Variants in NREP observed in about 807,000 individuals in gnomAD.
The protein encoded by NREP is neuronal regeneration-related protein.
A neutral mutation model predicts 8.6 loss-of-function variants in NREP; 5 were observed. That is an observed-to-expected ratio of 0.58 (90% CI 0.30 to 1.22). The LOEUF is 1.22. Ranked by LOEUF, NREP falls within the 50% of genes most tolerant of loss-of-function variation. NREP has a pLI of 0.07. For missense variants in NREP, 86 were observed against 82.5 expected (o/e 1.04, Z -0.17); for synonymous variants, 27 against 28.0 (o/e 0.96, Z 0.11).
At chr5:111,936,027 T>A (rs1436980437) in intron 2 of NREP, among the ~76,000 whole-genome samples, 2 of 152,116 alleles carry the variant, frequency 1.3e-5, no homozygotes, top group Non-Finnish European at 2.9e-5. Flanking sequence ...CGGTGCCCCA[T>A]GGCTTGTAGA....
intron 2 of NREP, among the ~76,000 whole-genome samples, chr5:111,856,934 A>C (rs1038946680): frequency 9.2e-5 from 14 of 152,068 alleles, no homozygotes; most frequent in African/African-American, 3.4e-4. Context: ...GATTGTTTTT[A>C]TAAGTTTGAT....
At chr5:111,813,130 G>A (rs1752306260) in intron 2 of NREP, among the ~76,000 whole-genome samples, 2 of 152,024 alleles carry the variant, frequency 1.3e-5, no homozygotes, top group African/African-American at 2.4e-5. Flanking sequence ...ACCTTATCAA[G>A]CCCATTTTAT....
intron 2 of NREP, among the ~76,000 whole-genome samples, chr5:111,932,641 C>A (rs1755573471): frequency 6.6e-6 from 1 of 151,990 alleles, no homozygotes; most frequent in Non-Finnish European, 1.5e-5. Context: ...TTTATTACTG[C>A]AGGAAAATGT....
chr5:111,855,614 A>G (rs913527671), intron 2 of NREP, among the ~76,000 whole-genome samples: 1 of 152,154 alleles, frequency 6.6e-6, no homozygotes, highest in Non-Finnish European at 1.5e-5. Context: ...TTGTACAACA[A>G]TCTTTGCTAA....
At chr5:111,917,616 T>C (rs536572301) in intron 2 of NREP, among the ~76,000 whole-genome samples, 33 of 152,334 alleles carry the variant, frequency 2.2e-4, no homozygotes, top group Admixed American at 5.2e-4. Context: ...ACCACCTGAT[T>C]ATCTCCATAG....
rs575502676 is a variant in NREP at position 111,743,220 on chromosome 5, T to C, written c.4-7713A>G. ...TTATGCAGTTGTGAGTGAACAATAA[T>C]AAAGCAAAGGCCACAATACAAGATA... On this transcript the variant is annotated intron_variant, in intron 2 of 3. Transcript: ENST00000257435. Among the ~76,000 whole-genome samples the C allele has an allele frequency of 9.5e-5, 14 of 148,050 alleles. No homozygotes were observed. The South Asian group carries it at 2.5e-3, about 27-fold the overall frequency.
At chr5:111,752,076 T>A (rs2112842612) in intron 2 of NREP, among the ~76,000 whole-genome samples, 1 of 152,350 alleles carries the variant, frequency 6.6e-6, no homozygotes, top group South Asian at 2.1e-4. Context: ...AGAGTATTCA[T>A]ATTTTAGAAG....
intron 2 of NREP, among the ~76,000 whole-genome samples, chr5:111,786,809 A>G (rs1751623317): frequency 6.6e-6 from 1 of 152,200 alleles, no homozygotes; most frequent in South Asian, 2.1e-4. Flanking sequence ...ATATTGGGGT[A>G]GGAATTTTGT....
chr5:111,838,365 G>A (rs985836483), intron 2 of NREP, among the ~76,000 whole-genome samples: 8 of 152,102 alleles, frequency 5.3e-5, no homozygotes, highest in Non-Finnish European at 7.4e-5. Flanking sequence ...AAATAATACC[G>A]TGATGGTTAG....
chr5:111,917,005 G>T (rs4957993), intron 2 of NREP, among the ~76,000 whole-genome samples: 1 of 151,876 alleles, frequency 6.6e-6, no homozygotes, highest in Non-Finnish European at 1.5e-5. Context: ...AATGGGCACC[G>T]TGGAGATCCA....
intron 2 of NREP, among the ~76,000 whole-genome samples, chr5:111,742,571 A>AG (rs1006137204): frequency 2.0e-5 from 3 of 152,210 alleles, no homozygotes; most frequent in South Asian, 2.1e-4. Flanking sequence ...AAGACTTTCA[A>AG]GGGGGGCAAG....
intron 2 of NREP, among the ~76,000 whole-genome samples, chr5:111,773,951 G>T (rs1266157140): frequency 6.6e-6 from 1 of 152,054 alleles, no homozygotes; most frequent in Non-Finnish European, 1.5e-5. Flanking sequence ...TTCAACCTGG[G>T]CTCTTACCCG....
At chr5:111,925,075 A>C (rs2112587194) in intron 2 of NREP, among the ~76,000 whole-genome samples, 1 of 152,226 alleles carries the variant, frequency 6.6e-6, no homozygotes, top group East Asian at 1.9e-4. Context: ...GGAAGAGGGG[A>C]AGCCTGGATT....
chr5:111,975,128 A>G, intron 2 of NREP: 1 of 632,636 alleles, frequency 1.6e-6, no homozygotes, highest in South Asian at 1.9e-5. Context: ...AAATAGGCTG[A>G]AAAGCCTGAA....
intron 2 of NREP, among the ~76,000 whole-genome samples, chr5:111,825,954 T>C (rs1056839560): frequency 2.7e-4 from 40 of 149,076 alleles, no homozygotes; most frequent in African/African-American, 9.5e-4. Context: ...TTTGCTCGTT[T>C]GGATTTTTTT....
chr5:111,731,629 G>A (rs1011274075), intron 3 of NREP, among the ~76,000 whole-genome samples: 2 of 152,154 alleles, frequency 1.3e-5, no homozygotes, highest in African/African-American at 4.8e-5. Flanking sequence ...GAAATGATGT[G>A]AGGGTGCCCA....
At chr5:111,911,394 C>G (rs1346283695) in intron 2 of NREP, among the ~76,000 whole-genome samples, 1 of 151,972 alleles carries the variant, frequency 6.6e-6, no homozygotes, top group East Asian at 1.9e-4. Flanking sequence ...TTTGTTAGTT[C>G]AACCCTACAC....
chr5:111,872,235 A>G (rs1456815578), intron 2 of NREP, among the ~76,000 whole-genome samples: 1 of 152,018 alleles, frequency 6.6e-6, no homozygotes, highest in African/African-American at 2.4e-5. Context: ...ATCCAGGAAG[A>G]GGTAATGTTT....
intron 2 of NREP, among the ~76,000 whole-genome samples, chr5:111,767,841 T>A (rs1166227364): frequency 6.6e-6 from 1 of 152,024 alleles, no homozygotes; most frequent in East Asian, 1.9e-4. Context: ...AGTATTTTAA[T>A]TTTTTTAAAT....
Sources: gnomAD v4.1 joint callset for allele counts (sites outside exome capture counted in the v4.1 genomes callset) on GRCh38, gnomAD v4.1.1 for gene constraint, MANE v1.5 for transcripts, NCBI Gene and HGNC (gene_info 2026-07-23, HGNC 2026-07-21) for gene names.